CNTLN: variants seen among roughly 807,000 people sequenced by gnomAD.
CNTLN encodes centlein, centrosomal protein.
Under a neutral mutation model 180.0 loss-of-function variants are expected in CNTLN, and 212 were observed. The observed-to-expected ratio is 1.18, with a 90% CI of 1.05 to 1.32. CNTLN has a LOEUF of 1.32. Ranked by LOEUF, CNTLN falls within the 40% of genes most tolerant of loss-of-function variation. The pLI is 0.00. For synonymous variants in CNTLN, 722 were observed against 563.1 expected, an observed-to-expected ratio of 1.28 and a Z score of -3.99; for missense variants, 2,095 against 1,610.9, an observed-to-expected ratio of 1.30 and a Z score of -5.14.
intron 23 of CNTLN, among the ~76,000 whole-genome samples, chr9:17,482,930 A>T (rs1254152639): frequency 6.6e-6 from 1 of 152,106 alleles, no homozygotes; most frequent in East Asian, 1.9e-4. Flanking sequence ...GTAGCAAAAA[A>T]ATTGTGGTTT....
chr9:17,357,035 C>T (rs1289477629), intron 12 of CNTLN, among the ~76,000 whole-genome samples: 1 of 151,962 alleles, frequency 6.6e-6, no homozygotes, highest in Non-Finnish European at 1.5e-5. Flanking sequence ...TCTCACAGCC[C>T]CTGTCTCTTT....
intron 8 of CNTLN, among the ~76,000 whole-genome samples, chr9:17,317,052 T>C (rs903787141): frequency 6.6e-6 from 1 of 152,008 alleles, no homozygotes; most frequent in African/African-American, 2.4e-5. Flanking sequence ...TTTTTTTTTT[T>C]CTTAATGTTG....
chr9:17,261,903 A>T (rs1170104016), intron 5 of CNTLN, among the ~76,000 whole-genome samples: 6 of 151,728 alleles, frequency 4.0e-5, no homozygotes, highest in Non-Finnish European at 8.8e-5. Flanking sequence ...CCCCATCAAA[A>T]AGTAGGCGAA....
chr9:17,347,308 A>G (rs1475168361), intron 12 of CNTLN, among the ~76,000 whole-genome samples: 1 of 152,216 alleles, frequency 6.6e-6, no homozygotes. Flanking sequence ...CATGTGGACT[A>G]CAGATGTTTC....
intron 12 of CNTLN, among the ~76,000 whole-genome samples, chr9:17,364,490 A>G (rs7862450): frequency 0.017 from 2,600 of 152,062 alleles, 81 homozygotes; most frequent in African/African-American, 0.06. Flanking sequence ...TTTCTGTTTC[A>G]TAAACCCCTG....
At chr9:17,390,244 T>TTTTC in intron 14 of CNTLN, among the ~76,000 whole-genome samples, 1 of 136,204 alleles carries the variant, frequency 7.3e-6, no homozygotes, top group African/African-American at 2.7e-5. Context: ...TCTTTTTTTT[T>TTTTC]TTTTTTTTTT....
intron 10 of CNTLN, among the ~76,000 whole-genome samples, chr9:17,338,337 G>GTTTTTTTTTTTTT (rs71331486): frequency 9.0e-5 from 9 of 100,440 alleles, no homozygotes; most frequent in African/African-American, 1.9e-4. Context: ...GCTAATTTTT[G>GTTTTTTTTTTTTT]TTTTTTTTTT....
At chr9:17,210,362 C>T (rs1025864009) in intron 2 of CNTLN, among the ~76,000 whole-genome samples, 6 of 152,144 alleles carry the variant, frequency 3.9e-5, no homozygotes, top group Admixed American at 1.3e-4. Context: ...TGGTTTCCAG[C>T]TTCATCCATG....
chr9:17,444,080 A>G (rs1434552608), intron 18 of CNTLN: 1 of 152,144 alleles, frequency 6.6e-6, no homozygotes, highest in African/African-American at 2.4e-5. Flanking sequence ...TAACATAAGA[A>G]AAAAAACACA....
At chr9:17,469,860 G>C (rs1831961301) in intron 23 of CNTLN, among the ~76,000 whole-genome samples, 1 of 151,866 alleles carries the variant, frequency 6.6e-6, no homozygotes, top group Non-Finnish European at 1.5e-5. Flanking sequence ...TCTGACTTCA[G>C]GATCGTGACT....
At chr9:17,383,082 CTT>C (rs1373549679) in intron 13 of CNTLN, among the ~76,000 whole-genome samples, 3 of 151,886 alleles carry the variant, frequency 2.0e-5, no homozygotes, top group Non-Finnish European at 4.4e-5. Context: ...TTTCTGTTCT[CTT>C]TGTTTGTACC....
intron 2 of CNTLN, among the ~76,000 whole-genome samples, chr9:17,148,360 G>T (rs1347927642): frequency 6.6e-6 from 1 of 152,174 alleles, no homozygotes; most frequent in African/African-American, 2.4e-5. Flanking sequence ...AAGGGGTTAG[G>T]TTCCTGTAAG....
intron 8 of CNTLN, among the ~76,000 whole-genome samples, chr9:17,324,697 C>G (rs964266431): frequency 1.3e-5 from 2 of 152,108 alleles, no homozygotes; most frequent in Admixed American, 6.5e-5. Flanking sequence ...TTGTAACCCA[C>G]TCGGTGTTAA....
At chr9:17,148,166 T>C (rs966957089) in intron 2 of CNTLN, among the ~76,000 whole-genome samples, 1 of 152,212 alleles carries the variant, frequency 6.6e-6, no homozygotes, top group Non-Finnish European at 1.5e-5. Flanking sequence ...GTTTCATCTA[T>C]AAACCTCTAT....
intron 12 of CNTLN, among the ~76,000 whole-genome samples, chr9:17,361,819 T>C (rs989597025): frequency 1.3e-5 from 2 of 152,238 alleles, no homozygotes; most frequent in African/African-American, 2.4e-5. Flanking sequence ...TGCTGCCTAT[T>C]GTCCAGTGGC....
At chr9:17,355,478 T>G (rs1822761663) in intron 12 of CNTLN, among the ~76,000 whole-genome samples, 1 of 152,204 alleles carries the variant, frequency 6.6e-6, no homozygotes. Context: ...AGCTTATGCT[T>G]TTGGTGTCAT....
intron 2 of CNTLN, among the ~76,000 whole-genome samples, chr9:17,206,743 G>C (rs1157786080): frequency 1.3e-5 from 2 of 152,190 alleles, no homozygotes; most frequent in African/African-American, 2.4e-5. Context: ...GTCCTGGAAT[G>C]GGTTGTATGA....
chr9:17,482,647 A>C (rs1832709315), intron 23 of CNTLN, among the ~76,000 whole-genome samples: 1 of 152,192 alleles, frequency 6.6e-6, no homozygotes, highest in Non-Finnish European at 1.5e-5. Flanking sequence ...CAGCAAGAAA[A>C]ATCTGATAAA....
At chr9:17,396,167 G>A (rs868066557) in intron 15 of CNTLN, among the ~76,000 whole-genome samples, 3 of 152,282 alleles carry the variant, frequency 2.0e-5, no homozygotes, top group African/African-American at 2.4e-5. Flanking sequence ...TTAGCATATC[G>A]TCAAGAAATA....
Sources: gnomAD v4.1 joint callset for allele counts (sites outside exome capture counted in the v4.1 genomes callset) on GRCh38, gnomAD v4.1.1 for gene constraint, MANE v1.5 for transcripts, NCBI Gene and HGNC (gene_info 2026-07-23, HGNC 2026-07-21) for gene names.